Variants in COTL1 observed in about 807,000 individuals in gnomAD.
COTL1 encodes coactosin like F-actin binding protein 1.
Under a neutral mutation model 16.5 loss-of-function variants are expected in COTL1, and 15 were observed. That is an observed-to-expected ratio of 0.91 (90% CI 0.61 to 1.40). The LOEUF (loss-of-function observed/expected upper bound fraction) is 1.40. Ranked by LOEUF, COTL1 falls within the 40% of genes most tolerant of loss-of-function variation. COTL1 has a pLI of 0.00. For missense variants in COTL1, 220 were observed against 201.5 expected (o/e 1.09, Z -0.56); for synonymous variants, 112 against 85.3 (o/e 1.31, Z -1.73).
chr16:84,580,513 AGG>A (rs1271542861), intron 3 of COTL1, among the ~76,000 whole-genome samples: 4 of 152,186 alleles, frequency 2.6e-5, no homozygotes, highest in Non-Finnish European at 5.9e-5. Flanking sequence ...AGCTCCCCTA[AGG>A]GCTCTTAACC....
intron 3 of COTL1, among the ~76,000 whole-genome samples, chr16:84,584,705 G>A (rs944942480): frequency 6.6e-6 from 1 of 152,206 alleles, no homozygotes; most frequent in Non-Finnish European, 1.5e-5. Context: ...GTGCATCACG[G>A]TGTTGTCTAA....
chr16:84,612,750 C>CT (rs764491519), intron 2 of COTL1, among the ~76,000 whole-genome samples: 19 of 152,132 alleles, frequency 1.2e-4, no homozygotes, highest in Non-Finnish European at 2.2e-4. Flanking sequence ...CAGAGAAAAA[C>CT]TTTGTCTCAA....
rs1478686670 is a variant in COTL1 at position 84,590,314 on chromosome 16, G to T, written c.161-52C>A. The T allele has an allele frequency of 2.2e-5, 35 of 1,591,058 alleles. No homozygotes were observed. The highest frequency in any genetic ancestry group is 2.8e-5 in the Non-Finnish European group (33 of 1,164,688). On this transcript the variant is annotated intron_variant, in intron 2 of 3. Transcript: ENST00000262428. The surrounding 1 kb of genome is among the most constrained non-coding windows in gnomAD (Gnocchi z 5.5). ...TGGTGCTGCGTTAAAACACCCCCATGTCATGTCCCTGGGGAGAGGCTGTGA... is the reference window on the plus strand; with the variant it reads ...TGGTGCTGCGTTAAAACACCCCCATTTCATGTCCCTGGGGAGAGGCTGTGA...
At chr16:84,617,639 G>C (rs2150700141) in intron 1 of COTL1, 56 bp from the exon 2 acceptor site, 1 of 1,511,602 alleles carries the variant, frequency 6.6e-7, no homozygotes, top group Non-Finnish European at 9.0e-7. Flanking sequence ...GTGGCCGCGC[G>C]ACGCGGCGCT....
intron 2 of COTL1, chr16:84,595,218 A>G (rs1232678117): frequency 6.6e-6 from 1 of 152,340 alleles, no homozygotes; most frequent in Non-Finnish European, 1.5e-5. Context: ...GAGCGGGGTA[A>G]AGAGGGACGT....
chr16:84,593,036 A>G lies in COTL1; in HGVS notation c.161-2774T>C, dbSNP rs534947280. ...ATTTGGTCTTTGTAACAACGCTGGG[A>G]GGCAGATGAGGTAGAGACGTCATGG... On this transcript the variant is annotated intron_variant, in intron 2 of 3. Coordinates refer to ENST00000262428, the MANE Select transcript of COTL1 (RefSeq NM_021149.5). Among the ~76,000 whole-genome samples the G allele has an allele frequency of 9.3e-4, 141 of 152,354 alleles. 1 individual carries two copies. Among genetic ancestry groups the G allele is most frequent in the African/African-American group, 3.0e-3 (125 of 41,580 alleles).
At chr16:84,593,760 A>G (rs1435769686) in intron 2 of COTL1, among the ~76,000 whole-genome samples, 1 of 152,052 alleles carries the variant, frequency 6.6e-6, no homozygotes. Context: ...CGGCCTCCCA[A>G]AGTGCTGGGA....
chr16:84,614,886 G>A (rs1478387777), intron 2 of COTL1, among the ~76,000 whole-genome samples: 3 of 152,138 alleles, frequency 2.0e-5, no homozygotes, highest in South Asian at 2.1e-4. Flanking sequence ...CACCTGCCCC[G>A]AGCCAGCCTG....
chr16:84,571,224 G>A (rs778747077), intron 3 of COTL1, among the ~76,000 whole-genome samples: 1 of 152,034 alleles, frequency 6.6e-6, no homozygotes, highest in African/African-American at 2.4e-5. Context: ...AGCCCCCGCC[G>A]CGTGACTGCC....
chr16:84,581,258 G>T (rs1466524549), intron 3 of COTL1, among the ~76,000 whole-genome samples: 1 of 152,182 alleles, frequency 6.6e-6, no homozygotes, highest in Non-Finnish European at 1.5e-5. Flanking sequence ...GGCCAAAAAG[G>T]CCCTTCTGGT....
At chr16:84,583,652 G>T (rs1231212601) in intron 3 of COTL1, among the ~76,000 whole-genome samples, 1 of 151,698 alleles carries the variant, frequency 6.6e-6, no homozygotes, top group Non-Finnish European at 1.5e-5. Context: ...TAGAGACGAG[G>T]TCCCACTATG....
chr16:84,601,675 C>T (rs1352240668), intron 2 of COTL1, among the ~76,000 whole-genome samples: 2 of 152,180 alleles, frequency 1.3e-5, no homozygotes, highest in East Asian at 3.8e-4. Context: ...AGGCTGGTCT[C>T]GAACTCTTGA....
At chr16:84,576,447 C>A (rs116541010) in intron 3 of COTL1, 1 of 152,156 alleles carries the variant, frequency 6.6e-6, no homozygotes, top group Non-Finnish European at 1.5e-5. Context: ...GTTCTTCCCA[C>A]GAACACACAT....
chr16:84,592,929 T>C (rs144711462), intron 2 of COTL1, among the ~76,000 whole-genome samples: 1 of 152,342 alleles, frequency 6.6e-6, no homozygotes, highest in African/African-American at 2.4e-5. Context: ...CAACACTTAC[T>C]TCTTAAAGGA....
At chr16:84,608,999 C>G (rs1307020355) in intron 2 of COTL1, among the ~76,000 whole-genome samples, 2 of 152,194 alleles carry the variant, frequency 1.3e-5, no homozygotes, top group African/African-American at 4.8e-5. Flanking sequence ...ACAGACTGTT[C>G]AGCACTTTAT....
intron 3 of COTL1, among the ~76,000 whole-genome samples, chr16:84,573,546 G>C (rs939073472): frequency 4.6e-5 from 7 of 152,174 alleles, no homozygotes; most frequent in Non-Finnish European, 8.8e-5. Flanking sequence ...AGGCCGAGGT[G>C]AGTGGATCAC....
At chr16:84,587,037 C>T (rs1318542502) in intron 3 of COTL1, among the ~76,000 whole-genome samples, 2 of 152,072 alleles carry the variant, frequency 1.3e-5, no homozygotes, top group South Asian at 2.1e-4. Flanking sequence ...GCACGGCGGG[C>T]GGAATTCAGC....
At chr16:84,606,397 A>G (rs1597184450) in intron 2 of COTL1, among the ~76,000 whole-genome samples, 1 of 152,248 alleles carries the variant, frequency 6.6e-6, no homozygotes, top group African/African-American at 2.4e-5. Context: ...TGCCTACTCA[A>G]CAACATCTGT....
intron 3 of COTL1, chr16:84,568,426 C>CA (rs1904308099): frequency 1.3e-5 from 2 of 152,192 alleles, no homozygotes; most frequent in South Asian, 4.1e-4. Context: ...AGTGGATTAT[C>CA]AAAACACGGT....
Sources: gnomAD v4.1 joint callset for allele counts (sites outside exome capture counted in the v4.1 genomes callset) on GRCh38, gnomAD v4.1.1 for gene constraint, Gnocchi (gnomAD v3.1) non-coding constraint, MANE v1.5 for transcripts, NCBI Gene and HGNC (gene_info 2026-07-23, HGNC 2026-07-21) for gene names.